Variants in PIK3C2G observed in about 807,000 individuals in gnomAD.
The protein encoded by PIK3C2G is phosphatidylinositol-4-phosphate 3-kinase catalytic subunit type 2 gamma.
A neutral mutation model predicts 181.1 loss-of-function variants in PIK3C2G; 168 were observed. That is an observed-to-expected ratio of 0.93 (90% CI 0.82 to 1.05). PIK3C2G has a LOEUF of 1.05. Among genes scored for constraint, PIK3C2G ranks in the 50% least tolerant of loss-of-function variants. The pLI is 0.00. For missense variants in PIK3C2G, 1,869 were observed against 1,732.8 expected (o/e 1.08, Z -1.40); for synonymous variants, 573 against 592.2 (o/e 0.97, Z 0.47).
intron 18 of PIK3C2G, among the ~76,000 whole-genome samples, chr12:18,448,710 C>CA (rs1256628670): frequency 6.6e-6 from 1 of 151,720 alleles, no homozygotes; most frequent in African/African-American, 2.4e-5. Flanking sequence ...GGCAAGATTT[C>CA]CTTTTTTAAG....
intron 17 of PIK3C2G, 133 bp downstream of exon 17, chr12:18,421,167 A>T: frequency 2.2e-6 from 1 of 447,912 alleles, no homozygotes; most frequent in Non-Finnish European, 4.0e-6. Context: ...AATGATGTCA[A>T]CATGGGTAAT....
At chr12:18,333,646 G>A (rs1938211171) in intron 8 of PIK3C2G, among the ~76,000 whole-genome samples, 1 of 152,044 alleles carries the variant, frequency 6.6e-6, no homozygotes, top group African/African-American at 2.4e-5. Flanking sequence ...TTTAAGCCAA[G>A]CTGCATTTCA....
chr12:18,572,969 C>T (rs930175549), intron 29 of PIK3C2G, among the ~76,000 whole-genome samples: 3 of 152,028 alleles, frequency 2.0e-5, no homozygotes, highest in Non-Finnish European at 4.4e-5. Flanking sequence ...AAAATCTCAG[C>T]CTTTTTTATT....
chr12:18,659,663 C>CTTTTTTTTTTTTTTT, the PIK3C2G span, among the ~76,000 whole-genome samples: 6 of 133,810 alleles, frequency 4.5e-5, no homozygotes, highest in Non-Finnish European at 7.9e-5. Context: ...GTTCTCCATT[C>CTTTTTTTTTTTTTTT]TTTTTTTTTT....
At chr12:18,693,661 T>C in the PIK3C2G span, 3 of 1,565,520 alleles carry the variant, frequency 1.9e-6, no homozygotes, top group East Asian at 2.2e-5. Context: ...CAAAAAGATA[T>C]GACTCCAATT....
Position 18,282,770 on chromosome 12 carries a change from T to C in PIK3C2G, c.678+11T>C, listed in dbSNP as rs112217074. The C allele has an allele frequency of 3.5e-5, 52 of 1,482,188 alleles. 1 individual carries two copies. The African/African-American group carries it at 4.8e-4, about 14-fold the overall frequency. The allele number at this position is 1,482,188 out of a possible 1,614,324, so 91.8% of individuals were successfully genotyped here. A position where few individuals can be genotyped will look rare whatever the true frequency, so the allele number is the denominator to read the frequency against. ...CAGAAGAATATAGAGGTAAGTATAATACATGTCAATGTAAAAATATGAATC... is the reference window on the plus strand; with the variant it reads ...CAGAAGAATATAGAGGTAAGTATAACACATGTCAATGTAAAAATATGAATC... On this transcript the variant is annotated intron_variant, in intron 2 of 32. Transcript: ENST00000538779.
intron 26 of PIK3C2G, among the ~76,000 whole-genome samples, chr12:18,559,821 T>TATATAGAGAGAGAGAGAGAG (rs1945244509): frequency 5.4e-5 from 1 of 18,372 alleles, no homozygotes; most frequent in Non-Finnish European, 9.6e-5. Flanking sequence ...TATATATATA[T>TATATAGAGAGAGAGAGAGAG]AGAGAGAGAG....
At chr12:18,270,260 T>A (rs1034136010) in intron 1 of PIK3C2G, among the ~76,000 whole-genome samples, 1 of 152,308 alleles carries the variant, frequency 6.6e-6, no homozygotes, top group Non-Finnish European at 1.5e-5. Flanking sequence ...AGGCAGTTAT[T>A]AATATCTCTA....
chr12:18,277,662 A>G (rs1449973467), intron 1 of PIK3C2G, among the ~76,000 whole-genome samples: 1 of 152,150 alleles, frequency 6.6e-6, no homozygotes, highest in Non-Finnish European at 1.5e-5. Flanking sequence ...TGGATCAAGA[A>G]CAAACATTCT....
intron 18 of PIK3C2G, among the ~76,000 whole-genome samples, chr12:18,483,547 A>AT (rs773143878): frequency 3.9e-5 from 6 of 152,154 alleles, no homozygotes; most frequent in Non-Finnish European, 8.8e-5. Flanking sequence ...AGACATGTTA[A>AT]TTACTTTTAT....
intron 2 of PIK3C2G, among the ~76,000 whole-genome samples, 157 bp from the exon 3 acceptor site, chr12:18,286,690 G>T (rs1244936477): frequency 1.3e-5 from 2 of 151,892 alleles, no homozygotes; most frequent in East Asian, 3.8e-4. Flanking sequence ...TAAGATCTGT[G>T]CATTTTTCTA....
At chr12:18,340,101 TAAC>T (rs767087969) in intron 9 of PIK3C2G, among the ~76,000 whole-genome samples, 15 of 152,206 alleles carry the variant, frequency 9.9e-5, no homozygotes, top group South Asian at 4.1e-4. Context: ...CCTTTACAAA[TAAC>T]AACAAGGTAA....
At chr12:18,264,064 T>C (rs962020155) in intron 1 of PIK3C2G, among the ~76,000 whole-genome samples, 3 of 152,196 alleles carry the variant, frequency 2.0e-5, no homozygotes, top group African/African-American at 7.2e-5. Flanking sequence ...GTTGTTTTTG[T>C]TGTTGTTTTC....
intron 18 of PIK3C2G, chr12:18,425,282 G>C (rs1175442867): frequency 6.6e-6 from 1 of 151,814 alleles, no homozygotes; most frequent in Admixed American, 6.6e-5. Context: ...CCTGTGTTCT[G>C]TATGACATTA....
At chr12:18,276,484 C>T (rs1489514009) in intron 1 of PIK3C2G, among the ~76,000 whole-genome samples, 1 of 152,150 alleles carries the variant, frequency 6.6e-6, no homozygotes, top group East Asian at 1.9e-4. Flanking sequence ...ACAAAATTAT[C>T]TTTGACATAT....
At chr12:18,601,217 A>G (rs1234422502) in intron 30 of PIK3C2G, among the ~76,000 whole-genome samples, 2 of 151,904 alleles carry the variant, frequency 1.3e-5, no homozygotes, top group African/African-American at 2.4e-5. Context: ...GGTCACCTCT[A>G]TAGACCCTGA....
chr12:18,696,817 C>G, the PIK3C2G span, among the ~76,000 whole-genome samples: 1 of 152,040 alleles, frequency 6.6e-6, no homozygotes, highest in African/African-American at 2.4e-5. Context: ...CAGCATCTTC[C>G]CCCAAAGTTT....
chr12:18,612,989 T>G (rs1474718136), intron 31 of PIK3C2G, among the ~76,000 whole-genome samples: 1 of 152,134 alleles, frequency 6.6e-6, no homozygotes, highest in Admixed American at 6.6e-5. Context: ...GTGCAAGTAT[T>G]TAAAAGCTTG....
chr12:18,629,812 C>G (rs148881617), intron 31 of PIK3C2G, among the ~76,000 whole-genome samples: 4 of 152,022 alleles, frequency 2.6e-5, no homozygotes, highest in African/African-American at 7.3e-5. Context: ...AGGATAAACC[C>G]GAGATATTTT....
Sources: gnomAD v4.1 joint callset for allele counts (sites outside exome capture counted in the v4.1 genomes callset) on GRCh38, gnomAD v4.1.1 for gene constraint, MANE v1.5 for transcripts, NCBI Gene and HGNC (gene_info 2026-07-23, HGNC 2026-07-21) for gene names.